Variants in TTC28 observed in about 807,000 individuals in gnomAD.
TTC28 encodes the protein tetratricopeptide repeat domain 28, also known as tetratricopeptide repeat protein 28.
In TTC28, 61 loss-of-function variants were observed where a neutral mutation model predicts 198.0. The ratio of observed to expected loss-of-function variants is 0.31; its 90% confidence interval spans 0.25 to 0.38. The LOEUF (loss-of-function observed/expected upper bound fraction) is 0.38. Ranked by LOEUF, TTC28 falls within the 10% of genes least tolerant of loss-of-function variation. The pLI is 1.00. For synonymous variants in TTC28, 1,171 were observed against 1,297.8 expected (o/e 0.90, Z 2.10); for missense variants, 2,678 against 3,164.0 (o/e 0.85, Z 3.69).
chr22:28,671,358 G>A lies in TTC28; in HGVS notation c.102+8264C>T, dbSNP rs150446509. On this transcript the variant is annotated intron_variant, in intron 1 of 22. Transcript: ENST00000397906. Reference sequence around the variant, plus strand: ...TTTGCAAATATTTTCTTCCTTGGCCGGGCGCGGTGGCTCACGCCTGTAATC... The same window carrying A: ...TTTGCAAATATTTTCTTCCTTGGCCAGGCGCGGTGGCTCACGCCTGTAATC... Among the ~76,000 whole-genome samples, 461 of 151,942 alleles carry A rather than the reference G, an allele frequency of 3.0e-3. 3 individuals carry two copies. The highest frequency in any genetic ancestry group is 7.9e-3 in the African/African-American group (326 of 41,472).
At chr22:28,314,057 A>G (rs1461558304) in intron 2 of TTC28, among the ~76,000 whole-genome samples, 1 of 152,156 alleles carries the variant, frequency 6.6e-6, no homozygotes, top group South Asian at 2.1e-4. Context: ...AAGCATTCCT[A>G]TACACCAATA....
chr22:28,466,820 T>TACACACAAATACAC (rs2048027698), intron 2 of TTC28, among the ~76,000 whole-genome samples: 1 of 143,810 alleles, frequency 7.0e-6, no homozygotes, highest in Non-Finnish European at 1.5e-5. Context: ...TATACATACA[T>TACACACAAATACAC]ACACACACAC....
rs1569263336 is a variant in TTC28 at position 28,328,797 on chromosome 22, AT to A, written c.382-22155del. ...AATAATAATAATAATAATAATAATA[AT>A]AATAATATGTTCTGAAGAGGTATAA... On this transcript the variant is annotated intron_variant, in intron 2 of 22. Transcript: ENST00000397906. 4.6e-3 allele frequency among the ~76,000 whole-genome samples: 484 copies of A among 105,176 alleles called. 3 individuals carry two copies. The highest frequency in any genetic ancestry group is 8.7e-3 in the African/African-American group (202 of 23,200). The allele number at this position is 105,176 out of a possible 152,430, so 69.0% of individuals were successfully genotyped here.
At chr22:28,586,407 T>A (rs1228475601) in intron 2 of TTC28, among the ~76,000 whole-genome samples, 1 of 151,556 alleles carries the variant, frequency 6.6e-6, no homozygotes, top group African/African-American at 2.4e-5. Flanking sequence ...TTAAAAAGAA[T>A]CTATAGAAAG....
At chr22:28,185,412 T>C (rs760619789) in intron 5 of TTC28, among the ~76,000 whole-genome samples, 1 of 152,180 alleles carries the variant, frequency 6.6e-6, no homozygotes, top group Non-Finnish European at 1.5e-5. Context: ...TAACACTCTT[T>C]TTCCTAATAA....
At chr22:28,278,057 C>G (rs1601568738) in intron 5 of TTC28, among the ~76,000 whole-genome samples, 2 of 152,194 alleles carry the variant, frequency 1.3e-5, no homozygotes, top group East Asian at 3.9e-4. Context: ...GTTTCTCAGT[C>G]TTTTAATTTT....
At chr22:28,213,935 T>C (rs888045386) in intron 5 of TTC28, among the ~76,000 whole-genome samples, 4 of 152,082 alleles carry the variant, frequency 2.6e-5, no homozygotes, top group Non-Finnish European at 5.9e-5. Context: ...AACAGAGATA[T>C]AGACCAATGG....
At chr22:28,442,282 C>G (rs1156351082) in intron 2 of TTC28, among the ~76,000 whole-genome samples, 1 of 152,224 alleles carries the variant, frequency 6.6e-6, no homozygotes, top group Non-Finnish European at 1.5e-5. Flanking sequence ...GGCAATCGCA[C>G]GGGCCCACGA....
At chr22:28,131,449 C>T (rs924437304) in intron 6 of TTC28, among the ~76,000 whole-genome samples, 3 of 152,142 alleles carry the variant, frequency 2.0e-5, no homozygotes, top group Middle Eastern at 3.2e-3. Context: ...TTCTGTACAC[C>T]GTAGCATGCT....
intron 5 of TTC28, among the ~76,000 whole-genome samples, chr22:28,185,172 T>C (rs933671709): frequency 2.0e-5 from 3 of 152,176 alleles, no homozygotes; most frequent in Non-Finnish European, 2.9e-5. Context: ...AATTCACTCT[T>C]GTTTATTTTT....
At chr22:28,475,473 G>A (rs2048151587) in intron 2 of TTC28, among the ~76,000 whole-genome samples, 1 of 152,144 alleles carries the variant, frequency 6.6e-6, no homozygotes, top group African/African-American at 2.4e-5. Flanking sequence ...TACCCAGTGG[G>A]CCCTGCCAGG....
At chr22:28,344,789 T>A (rs1004124537) in intron 2 of TTC28, among the ~76,000 whole-genome samples, 5 of 152,124 alleles carry the variant, frequency 3.3e-5, no homozygotes, top group African/African-American at 1.2e-4. Context: ...TAAGGCTCTG[T>A]CCCCATGTGA....
chr22:28,426,977 T>C (rs1289355426), intron 2 of TTC28, among the ~76,000 whole-genome samples: 1 of 152,212 alleles, frequency 6.6e-6, no homozygotes, highest in Non-Finnish European at 1.5e-5. Flanking sequence ...AATTGTGAAA[T>C]TCACCAAGGG....
chr22:28,647,128 G>A (rs2051482552), intron 1 of TTC28, among the ~76,000 whole-genome samples: 1 of 152,110 alleles, frequency 6.6e-6, no homozygotes, highest in Non-Finnish European at 1.5e-5. Context: ...AACAAAAACT[G>A]GGGAAGAGGA....
chr22:28,210,116 C>G (rs771598655), intron 5 of TTC28, among the ~76,000 whole-genome samples: 6 of 152,114 alleles, frequency 3.9e-5, no homozygotes, highest in Non-Finnish European at 7.3e-5. Context: ...AAAGGACATC[C>G]ACACCAAAAC....
At chr22:28,479,185 A>G (rs568647924) in intron 2 of TTC28, among the ~76,000 whole-genome samples, 205 of 152,368 alleles carry the variant, frequency 1.3e-3, no homozygotes, top group Middle Eastern at 3.4e-3. Flanking sequence ...AGATGTCTTC[A>G]CAGAACAACA....
At chr22:28,442,194 T>C (rs1212393939) in intron 2 of TTC28, among the ~76,000 whole-genome samples, 1 of 151,976 alleles carries the variant, frequency 6.6e-6, no homozygotes, top group Non-Finnish European at 1.5e-5. Flanking sequence ...CCCCTCCCCC[T>C]TTTCCCCATG....
At chr22:28,073,327 A>C (rs1941057694) in intron 12 of TTC28, among the ~76,000 whole-genome samples, 1 of 152,178 alleles carries the variant, frequency 6.6e-6, no homozygotes, top group South Asian at 2.1e-4. Flanking sequence ...ATCAAGGGAG[A>C]CACTGAGCCA....
chr22:28,227,007 C>A (rs1207972424), intron 5 of TTC28, among the ~76,000 whole-genome samples: 1 of 152,116 alleles, frequency 6.6e-6, no homozygotes, highest in Non-Finnish European at 1.5e-5. Flanking sequence ...CTCACTGTAA[C>A]CTCAAACTCC....
Sources: gnomAD v4.1 joint callset for allele counts (sites outside exome capture counted in the v4.1 genomes callset) on GRCh38, gnomAD v4.1.1 for gene constraint, MANE v1.5 for transcripts, NCBI Gene and HGNC (gene_info 2026-07-23, HGNC 2026-07-21) for gene names.